The following GRAP2 variants were observed in gnomAD, a reference collection of about 807,000 sequenced individuals.
The protein encoded by GRAP2 is GRB2-related adapter protein 2.
Under a neutral mutation model 43.5 loss-of-function variants are expected in GRAP2, and 31 were observed. The observed-to-expected ratio is 0.71, with a 90% CI of 0.54 to 0.96. The LOEUF (loss-of-function observed/expected upper bound fraction) is 0.96. GRAP2 is among the 40% of genes least tolerant of loss of function. The pLI, the probability that GRAP2 is intolerant of heterozygous loss-of-function variation, is 0.00. For synonymous variants in GRAP2, 156 were observed against 164.8 expected, an observed-to-expected ratio of 0.95 and a Z score of 0.41; for missense variants, 371 against 424.4, an observed-to-expected ratio of 0.87 and a Z score of 1.11.
intron 5 of GRAP2, among the ~76,000 whole-genome samples, chr22:39,967,641 C>G (rs1287464293): frequency 1.3e-5 from 2 of 152,152 alleles, no homozygotes; most frequent in Admixed American, 6.5e-5. Context: ...CAAAATCATG[C>G]AAAGTCAACA....
At chr22:39,919,611 A>G (rs1306995726) in intron 1 of GRAP2, among the ~76,000 whole-genome samples, 2 of 152,192 alleles carry the variant, frequency 1.3e-5, no homozygotes, top group Non-Finnish European at 2.9e-5. Flanking sequence ...AATATTGCTC[A>G]ATAGAGATTA....
intron 1 of GRAP2, among the ~76,000 whole-genome samples, chr22:39,918,972 C>A (rs2066626694): frequency 6.6e-6 from 1 of 152,130 alleles, no homozygotes; most frequent in Non-Finnish European, 1.5e-5. Flanking sequence ...TACATCAAAT[C>A]ATATGAAATT....
In GRAP2 at chr22:39,951,276, A is replaced by G. The variant is rs902471311; in HGVS notation, c.78+4092A>G. Among the ~76,000 whole-genome samples, 83 of 152,308 alleles carry G rather than the reference A, an allele frequency of 5.4e-4. 1 individual carries two copies. Among genetic ancestry groups the G allele is most frequent in the African/African-American group, 1.9e-3 (81 of 41,562 alleles). ...CAAACCACCATACCTGCAGCTACACACAGCACCAGCCTCACATTTGAATTT... is the reference window on the plus strand; with the variant it reads ...CAAACCACCATACCTGCAGCTACACGCAGCACCAGCCTCACATTTGAATTT... On this transcript the variant is annotated intron_variant, in intron 2 of 7. Coordinates refer to ENST00000344138, the MANE Select transcript of GRAP2 (RefSeq NM_004810.4).
intron 3 of GRAP2, among the ~76,000 whole-genome samples, chr22:39,957,554 T>TC (rs2067070176): frequency 6.6e-6 from 1 of 152,106 alleles, no homozygotes; most frequent in African/African-American, 2.4e-5. Context: ...CAACCTCCTT[T>TC]CCCTCTCTGC....
At chr22:39,917,804 A>G (rs2066615145) in intron 1 of GRAP2, among the ~76,000 whole-genome samples, 1 of 152,198 alleles carries the variant, frequency 6.6e-6, no homozygotes. Context: ...GGGAAAGTTA[A>G]AATTGGTGAT....
intron 1 of GRAP2, chr22:39,926,626 G>A (rs576018267): frequency 1.2e-4 from 120 of 985,386 alleles, no homozygotes; most frequent in African/African-American, 7.5e-4. Flanking sequence ...GGACCGGTTC[G>A]TGTTAAGTCT....
In GRAP2 at chr22:39,969,572, G is replaced by A. The variant is rs960460281; in HGVS notation, c.813+39G>A. ...CCTTCTCTGGGATCCCTGGGGAAAG[G>A]CCTTGGGACAGAGGTCAATGGAGGA... On this transcript the variant is annotated intron_variant, in intron 7 of 7. Transcript: ENST00000344138. The A allele has an allele frequency of 2.5e-6, 4 of 1,608,450 alleles. No homozygotes were observed. In the African/African-American group the frequency reaches 4.0e-5, roughly 16 times the overall value.
chr22:39,951,631 C>G (rs2066983459), intron 2 of GRAP2, among the ~76,000 whole-genome samples: 1 of 152,074 alleles, frequency 6.6e-6, no homozygotes, highest in South Asian at 2.1e-4. Flanking sequence ...AGTAAAACTT[C>G]AAGTGTTCAG....
intron 1 of GRAP2, among the ~76,000 whole-genome samples, chr22:39,913,421 G>A (rs2066581387): frequency 1.3e-5 from 2 of 152,210 alleles, no homozygotes; most frequent in African/African-American, 4.8e-5. Context: ...AATCCAGTAA[G>A]ATGAAGACTC....
At chr22:39,949,583 A>AAGGAGC (rs1268801902) in intron 2 of GRAP2, among the ~76,000 whole-genome samples, 1 of 152,162 alleles carries the variant, frequency 6.6e-6, no homozygotes, top group East Asian at 1.9e-4. Flanking sequence ...AGGCAGTAAA[A>AAGGAGC]AGGAGCATAG....
chr22:39,938,793 A>G (rs1466476260), intron 1 of GRAP2, among the ~76,000 whole-genome samples: 4 of 152,232 alleles, frequency 2.6e-5, no homozygotes, highest in Admixed American at 2.0e-4. Flanking sequence ...TATTCGGGGA[A>G]CACACCTGCA....
intron 7 of GRAP2, among the ~76,000 whole-genome samples, chr22:39,970,653 G>A (rs2067230751): frequency 6.6e-6 from 1 of 152,164 alleles, no homozygotes; most frequent in Non-Finnish European, 1.5e-5. Context: ...GGGCATGGTG[G>A]CTCACACCTG....
chr22:39,894,467 A>G, the GRAP2 span, among the ~76,000 whole-genome samples: 1 of 151,724 alleles, frequency 6.6e-6, no homozygotes, highest in African/African-American at 2.4e-5. Context: ...ACCTAATGCT[A>G]GATGACGAGT....
intron 1 of GRAP2, among the ~76,000 whole-genome samples, chr22:39,924,829 C>T (rs1329099783): frequency 6.6e-6 from 1 of 152,196 alleles, no homozygotes; most frequent in Non-Finnish European, 1.5e-5. Context: ...CTGGGGCTTA[C>T]AAGGTAGCTG....
rs865865068 is a variant in GRAP2, at chr22:39,966,265, C to T, written c.459+107C>T. 33 of 820,576 alleles carry T rather than the reference C, an allele frequency of 4.0e-5. 1 individual carries two copies. The African/African-American group carries it at 4.5e-4, about 11-fold the overall frequency. 50.8% of individuals were successfully genotyped at this position (820,576 alleles called of 1,614,324 possible). ...AGGATGGGTAGATCCTCTGAGTATA[C>T]TGAAAGACAGAGCTCAGAGCTCTGA... is the stretch of plus-strand genomic sequence containing the variant. On this transcript the variant is annotated intron_variant, in intron 5 of 7. Transcript: ENST00000344138.
At chr22:39,963,069 T>G (rs2067136029) in intron 4 of GRAP2, among the ~76,000 whole-genome samples, 1 of 152,198 alleles carries the variant, frequency 6.6e-6, no homozygotes, top group Non-Finnish European at 1.5e-5. Context: ...GCGATGAAGC[T>G]TCTAGTTATG....
intron 4 of GRAP2, chr22:39,963,785 A>C: frequency 1.3e-5 from 2 of 152,632 alleles, no homozygotes; most frequent in Middle Eastern, 3.3e-3. Context: ...TGGGAGGCTG[A>C]GGTGGGCGGA....
intron 1 of GRAP2, among the ~76,000 whole-genome samples, chr22:39,929,797 G>T (rs989715949): frequency 6.6e-6 from 1 of 152,124 alleles, no homozygotes; most frequent in African/African-American, 2.4e-5. Context: ...GCCAATCCTT[G>T]ACTGGGAGTC....
chr22:39,932,103 G>A (rs2066761256), intron 1 of GRAP2, among the ~76,000 whole-genome samples: 1 of 152,154 alleles, frequency 6.6e-6, no homozygotes, highest in Non-Finnish European at 1.5e-5. Context: ...AAATCTTGTG[G>A]GACAGGCGTT....
Sources: allele counts gnomAD v4.1 joint callset (sites outside exome capture counted in the v4.1 genomes callset), GRCh38; gene constraint gnomAD v4.1.1; transcripts MANE v1.5; gene names NCBI Gene and HGNC (gene_info 2026-07-23, HGNC 2026-07-21).